PCSK5: variants seen among roughly 807,000 people sequenced by gnomAD.
PCSK5 encodes proprotein convertase subtilisin/kexin type 5, also known as prohormone convertase 5.
Under a neutral mutation model 233.2 loss-of-function variants are expected in PCSK5, and 129 were observed. The ratio of observed to expected loss-of-function variants is 0.55; its 90% CI spans 0.48 to 0.64. PCSK5 has a LOEUF of 0.64. PCSK5 is among the 30% of genes least tolerant of loss of function. The pLI is 0.00. For synonymous variants in PCSK5, 825 were observed against 879.2 expected (o/e 0.94, Z 1.09); for missense variants, 2,076 against 2,430.1 (o/e 0.85, Z 3.06).
chr9:76,017,415 G>A (rs1827995022), intron 3 of PCSK5, among the ~76,000 whole-genome samples: 1 of 152,140 alleles, frequency 6.6e-6, no homozygotes, highest in Admixed American at 6.5e-5. Flanking sequence ...TATAGGTGCT[G>A]CCATCAACAG....
At chr9:76,198,226 G>A (rs1358199837) in intron 20 of PCSK5, among the ~76,000 whole-genome samples, 2 of 152,148 alleles carry the variant, frequency 1.3e-5, no homozygotes, top group Non-Finnish European at 2.9e-5. Context: ...TTCTCTAAAG[G>A]ACCATTGTTG....
Position 76,032,122 on chromosome 9 carries a change from A to C in PCSK5, c.632+5085A>C, listed in dbSNP as rs1443616305. On this transcript the variant is annotated intron_variant, in intron 5 of 37. Transcript: ENST00000674117. ...TCCTTGAATTTGATATAAAATAGTG[A>C]AGGTGAGGAATTTGTAATTATCATC... Among the ~76,000 whole-genome samples, 7 of 152,168 alleles carry C rather than the reference A, an allele frequency of 4.6e-5. No individual in the cohort carries two copies. In the East Asian group the frequency reaches 1.3e-3, roughly 29 times the overall value.
intron 13 of PCSK5, among the ~76,000 whole-genome samples, chr9:76,173,698 T>A (rs187737404): frequency 1.3e-5 from 2 of 151,826 alleles, no homozygotes; most frequent in Admixed American, 1.3e-4. Flanking sequence ...TTGGGCCAAG[T>A]GTGGTGGCTC....
chr9:76,133,561 T>C (rs936871256), intron 9 of PCSK5, among the ~76,000 whole-genome samples: 6 of 152,076 alleles, frequency 3.9e-5, no homozygotes, highest in Non-Finnish European at 8.8e-5. Context: ...TTCTGTACCA[T>C]GTTCTCTTCC....
chr9:76,032,279 T>G (rs938899245), intron 5 of PCSK5, among the ~76,000 whole-genome samples: 1 of 152,178 alleles, frequency 6.6e-6, no homozygotes, highest in Non-Finnish European at 1.5e-5. Context: ...CAGTATTCAT[T>G]AAGACGCTGC....
intron 5 of PCSK5, among the ~76,000 whole-genome samples, chr9:76,045,523 G>A (rs895938833): frequency 1.8e-4 from 27 of 152,170 alleles, no homozygotes; most frequent in African/African-American, 6.5e-4. Context: ...AAGTGGCAGA[G>A]GGAGAGGAAA....
rs780246031 is a variant in PCSK5 at position 76,181,589 on chromosome 9, C to T, written c.2195C>T (p.Thr732Ile). ...TGCCCTGATGGGTCATATCAGGATA[C>T]CAGTAAGCTCACTTCAAATACTTGG... ...THCPDGSYQD[T>I]KKNLCRKCSE... Residue 732 changes from threonine to isoleucine, a missense_variant and splice_region_variant, in exon 16 of 38, where the codon ACC becomes ATC. This residue lies in a region of PCSK5 where 1,510 missense variants were observed against 1,538.1 expected (regional missense o/e 0.98). Transcript: ENST00000674117. 7.5e-5 allele frequency: 120 copies of T among 1,601,284 alleles called. 1 individual carries two copies. In the East Asian group the frequency reaches 2.6e-3, roughly 34 times the overall value.
At chr9:76,013,445 G>T (rs1485482313) in intron 3 of PCSK5, among the ~76,000 whole-genome samples, 2 of 152,164 alleles carry the variant, frequency 1.3e-5, no homozygotes, top group Non-Finnish European at 2.9e-5. Flanking sequence ...GGGAGTTTCA[G>T]GGGTTGACTT....
chr9:75,928,675 G>C (rs565355595), intron 1 of PCSK5, among the ~76,000 whole-genome samples: 1 of 141,062 alleles, frequency 7.1e-6, no homozygotes, highest in African/African-American at 2.6e-5. Context: ...GTTTGGTTGG[G>C]GCAGAGTAAT....
intron 14 of PCSK5, 162 bp downstream of exon 14, chr9:76,175,291 CGAATA>C (rs55947300): frequency 0.16 from 79,391 of 506,020 alleles, 7,006 homozygotes; most frequent in East Asian, 0.24. Context: ...CGAATCGAAT[CGAATA>C]GAATAGAATA....
At chr9:75,986,501 G>A (rs1338777234) in intron 3 of PCSK5, among the ~76,000 whole-genome samples, 3 of 152,230 alleles carry the variant, frequency 2.0e-5, no homozygotes, top group African/African-American at 7.2e-5. Flanking sequence ...CTTACTTTGT[G>A]CAGTAGCTTT....
At chr9:75,959,494 T>C (rs565189641) in intron 2 of PCSK5, among the ~76,000 whole-genome samples, 3 of 152,288 alleles carry the variant, frequency 2.0e-5, no homozygotes, top group African/African-American at 7.2e-5. Context: ...GATGTCATGC[T>C]CTTACTAAAA....
intron 1 of PCSK5, among the ~76,000 whole-genome samples, chr9:75,908,642 A>G (rs1051372059): frequency 1.2e-4 from 18 of 152,036 alleles, no homozygotes; most frequent in African/African-American, 4.1e-4. Flanking sequence ...TACTCATGTC[A>G]TTCTCACTGC....
At chr9:76,258,926 C>T (rs1331872125) in intron 24 of PCSK5, among the ~76,000 whole-genome samples, 1 of 152,192 alleles carries the variant, frequency 6.6e-6, no homozygotes, top group African/African-American at 2.4e-5. Context: ...TTACCCAAAG[C>T]CATTGTCCAA....
intron 2 of PCSK5, among the ~76,000 whole-genome samples, chr9:75,949,350 G>A (rs921778971): frequency 1.3e-5 from 2 of 151,696 alleles, no homozygotes; most frequent in Non-Finnish European, 2.9e-5. Context: ...GATTTAAGGT[G>A]TAAGGACTGA....
At position 76,251,522 on chromosome 9, in the gene PCSK5, C is replaced by G. The variant is rs545542909; in HGVS notation, c.3142+10838C>G. Among the ~76,000 whole-genome samples the G allele has an allele frequency of 3.3e-5, 5 of 149,956 alleles. No individual in the cohort carries two copies. The South Asian group carries it at 1.1e-3, about 32-fold the overall frequency. ...GAGCTTGCAGTGAGCCGAGATTGTGCCACTGCACTCCAGCCTGGGTGACAG... is the reference window on the plus strand; with the variant it reads ...GAGCTTGCAGTGAGCCGAGATTGTGGCACTGCACTCCAGCCTGGGTGACAG... On this transcript the variant is annotated intron_variant, in intron 24 of 37. Transcript: ENST00000674117.
intron 7 of PCSK5, among the ~76,000 whole-genome samples, chr9:76,074,597 T>G (rs1349328153): frequency 6.6e-6 from 1 of 152,194 alleles, no homozygotes; most frequent in Admixed American, 6.5e-5. Context: ...CAGGTTAGGC[T>G]AGGATTGAGT....
chr9:76,174,872 C>A, intron 13 of PCSK5, 114 bp from the exon 14 acceptor site: 1 of 835,338 alleles, frequency 1.2e-6, no homozygotes, highest in Non-Finnish European at 1.9e-6. Context: ...TGATTGATAT[C>A]CATCTGCCTC....
At chr9:76,055,698 A>G (rs1035793847) in intron 5 of PCSK5, among the ~76,000 whole-genome samples, 6 of 152,182 alleles carry the variant, frequency 3.9e-5, no homozygotes, top group Admixed American at 1.3e-4. Flanking sequence ...AATCTTGGCA[A>G]TTATTCAAAG....
Sources: gnomAD v4.1 joint callset for allele counts (sites outside exome capture counted in the v4.1 genomes callset) on GRCh38, gnomAD v4.1.1 for gene constraint, gnomAD v4.1.1 regional missense constraint, MANE v1.5 for transcripts, NCBI Gene and HGNC (gene_info 2026-07-23, HGNC 2026-07-21) for gene names.